The following STPG2 variants were observed in gnomAD, a reference collection of about 807,000 sequenced individuals.
The protein encoded by STPG2 is sperm-tail PG-rich repeat-containing protein 2.
In STPG2, 56 loss-of-function variants were observed where a neutral mutation model predicts 54.2. The observed-to-expected ratio is 1.03, with a 90% CI of 0.83 to 1.29. STPG2 has a LOEUF of 1.29. STPG2 is among the 50% of genes most tolerant of loss of function. STPG2 has a pLI of 0.00. For missense variants in STPG2, 596 were observed against 544.9 expected, an observed-to-expected ratio of 1.09 and a Z score of -0.93; for synonymous variants, 200 against 181.8, an observed-to-expected ratio of 1.10 and a Z score of -0.81.
intron 4 of STPG2, among the ~76,000 whole-genome samples, chr4:97,527,001 CT>C (rs369918959): frequency 0.046 from 6,500 of 140,902 alleles, 274 homozygotes; most frequent in African/African-American, 0.12. Context: ...GCTGCCAAAG[CT>C]TTTTTTTTTT....
At chr4:97,999,607 G>A (rs552160320) in intron 5 of STPG2, among the ~76,000 whole-genome samples, 1 of 152,262 alleles carries the variant, frequency 6.6e-6, no homozygotes, top group East Asian at 1.9e-4. Flanking sequence ...GCTGAGGCAT[G>A]AGAATCGCTT....
chr4:97,653,661 T>A (rs1414744139), intron 10 of STPG2, among the ~76,000 whole-genome samples: 1 of 152,134 alleles, frequency 6.6e-6, no homozygotes, highest in Admixed American at 6.6e-5. Flanking sequence ...CTTTAAGCTA[T>A]GAAACTGACA....
At chr4:97,459,929 A>G (rs1216745111) in intron 4 of STPG2, among the ~76,000 whole-genome samples, 5 of 152,066 alleles carry the variant, frequency 3.3e-5, no homozygotes, top group Admixed American at 6.6e-5. Flanking sequence ...CAGTCTTGCT[A>G]TGTTTCTTGG....
chr4:97,731,805 C>T (rs1724804804), intron 9 of STPG2, among the ~76,000 whole-genome samples: 1 of 152,238 alleles, frequency 6.6e-6, no homozygotes, highest in Admixed American at 6.5e-5. Context: ...GCTGCATCTA[C>T]AGATCTCAGC....
intron 10 of STPG2, among the ~76,000 whole-genome samples, chr4:97,566,556 G>A (rs549501376): frequency 6.6e-5 from 10 of 152,258 alleles, no homozygotes; most frequent in East Asian, 1.9e-4. Context: ...GTAGACTGGC[G>A]CTGTTCCTAT....
intron 5 of STPG2, among the ~76,000 whole-genome samples, chr4:98,066,446 A>G (rs62321584): frequency 0.36 from 55,303 of 151,950 alleles, 10,368 homozygotes; most frequent in African/African-American, 0.44. Flanking sequence ...AAAATTAGCC[A>G]GGTATGGTGG....
At position 97,559,126 on chromosome 4, in the gene STPG2, T is replaced by A. The variant is rs1476345207; in HGVS notation, c.1321-9A>T. 1 of 1,575,892 alleles carries A rather than the reference T, an allele frequency of 6.3e-7. No homozygotes were observed. Among genetic ancestry groups the A allele is most frequent in the Admixed American group, 1.8e-5 (1 of 54,108 alleles). On this transcript the variant is annotated splice_polypyrimidine_tract_variant and intron_variant, in intron 10 of 10. Transcript: ENST00000295268. ...TTTTTCTCCTGGGATATCTGTTTAA[T>A]AAGAATGAGAAAAAAAGGAGGAAAA...
At chr4:97,732,654 C>A (rs1412852193) in intron 9 of STPG2, among the ~76,000 whole-genome samples, 1 of 151,838 alleles carries the variant, frequency 6.6e-6, no homozygotes, top group Non-Finnish European at 1.5e-5. Flanking sequence ...TATTTGGAAA[C>A]TATGGATGGG....
intron 1 of STPG2, among the ~76,000 whole-genome samples, chr4:98,140,789 C>T (rs1032767735): frequency 5.5e-4 from 83 of 152,112 alleles, no homozygotes; most frequent in African/African-American, 1.9e-3. Flanking sequence ...CTGGTTATGA[C>T]TCAAGGACAT....
At chr4:98,003,032 T>C (rs540423899) in intron 5 of STPG2, among the ~76,000 whole-genome samples, 1 of 152,098 alleles carries the variant, frequency 6.6e-6, no homozygotes, top group African/African-American at 2.4e-5. Flanking sequence ...TAGGTTATAT[T>C]TGCAGTTCAT....
chr4:97,917,467 A>G lies in STPG2; in HGVS notation c.1044+26430T>C, dbSNP rs1307626350. The G allele has an allele frequency of 3.3e-5, 5 of 152,342 alleles. No individual in the cohort carries two copies. In the South Asian group the frequency reaches 6.2e-4, roughly 19 times the overall value. The allele number at this position is 152,342 out of a possible 1,614,324, so 9.4% of individuals were successfully genotyped here. ...AAGAGAACAAATTGAGAAGATCTCA[A>G]TACGGGTTCAACACCAGCAAACAAT... On this transcript the variant is annotated intron_variant, in intron 8 of 10. Coordinates refer to ENST00000295268, the MANE Select transcript of STPG2 (RefSeq NM_174952.3).
intron 10 of STPG2, among the ~76,000 whole-genome samples, chr4:97,610,856 T>G (rs893613178): frequency 1.3e-5 from 2 of 151,792 alleles, no homozygotes; most frequent in African/African-American, 4.8e-5. Context: ...TGAAGGAAAA[T>G]AGTGCAACTG....
At chr4:97,861,509 C>A (rs937131518) in intron 8 of STPG2, among the ~76,000 whole-genome samples, 3 of 151,956 alleles carry the variant, frequency 2.0e-5, no homozygotes, top group African/African-American at 7.3e-5. Flanking sequence ...ACCCATGTAA[C>A]CAAAAGAAAA....
At chr4:98,134,083 G>A (rs934200687) in intron 2 of STPG2, among the ~76,000 whole-genome samples, 3 of 151,846 alleles carry the variant, frequency 2.0e-5, no homozygotes, top group Admixed American at 6.6e-5. Flanking sequence ...TCATTCAAGA[G>A]TCCTATTCTC....
At chr4:97,634,912 CT>C (rs1347104150) in intron 10 of STPG2, among the ~76,000 whole-genome samples, 1 of 152,156 alleles carries the variant, frequency 6.6e-6, no homozygotes, top group African/African-American at 2.4e-5. Flanking sequence ...TTGGAAAACA[CT>C]CTGCAGGATA....
intron 5 of STPG2, among the ~76,000 whole-genome samples, chr4:98,050,030 A>C (rs1014768909): frequency 2.0e-5 from 3 of 152,176 alleles, no homozygotes; most frequent in African/African-American, 7.2e-5. Flanking sequence ...TAAATATAAT[A>C]TAATGAAGAG....
At chr4:98,124,162 T>C (rs1244640767) in intron 3 of STPG2, among the ~76,000 whole-genome samples, 1 of 152,180 alleles carries the variant, frequency 6.6e-6, no homozygotes, top group Non-Finnish European at 1.5e-5. Flanking sequence ...TATTGGGGCA[T>C]TTAGTCCATT....
intron 8 of STPG2, among the ~76,000 whole-genome samples, chr4:97,908,412 T>C (rs1224603079): frequency 6.7e-6 from 1 of 149,336 alleles, no homozygotes; most frequent in African/African-American, 2.5e-5. Context: ...TTTACGCTGT[T>C]GGTGGGACTG....
chr4:97,612,251 A>G (rs951572738), intron 10 of STPG2, among the ~76,000 whole-genome samples: 9 of 15,260 alleles, frequency 5.9e-4, no homozygotes, highest in Admixed American at 2.3e-3. Context: ...TAAAATGGCA[A>G]AAAAAAAAAC....
Sources: allele counts gnomAD v4.1 joint callset (sites outside exome capture counted in the v4.1 genomes callset), GRCh38; gene constraint gnomAD v4.1.1; transcripts MANE v1.5; gene names NCBI Gene and HGNC (gene_info 2026-07-23, HGNC 2026-07-21).